SEMA6A: variants seen among roughly 807,000 people sequenced by gnomAD.
The protein encoded by SEMA6A is semaphorin-6A.
In SEMA6A, 25 loss-of-function variants were observed where a neutral mutation model predicts 96.8. That is an observed-to-expected ratio of 0.26 (90% CI 0.19 to 0.36). SEMA6A has a LOEUF of 0.36. Among genes scored for constraint, SEMA6A ranks in the 10% least tolerant of loss-of-function variants. The probability of loss-of-function intolerance (pLI) is 1.00; values close to 1 mark genes in which losing one functional copy is unlikely to be tolerated. For missense variants in SEMA6A, 1,363 were observed against 1,323.1 expected (o/e 1.03, Z -0.47); for synonymous variants, 612 against 518.0 (o/e 1.18, Z -2.46).
chr5:116,495,888 A>C (rs1757575720), intron 5 of SEMA6A: 2 of 322,062 alleles, frequency 6.2e-6, no homozygotes, highest in Non-Finnish European at 1.2e-5. Context: ...CAGGCACAAA[A>C]CCCTGCATGT....
intron 17 of SEMA6A, chr5:116,469,088 G>A (rs902066252): frequency 2.6e-5 from 4 of 152,016 alleles, no homozygotes; most frequent in Non-Finnish European, 4.4e-5. Flanking sequence ...GAAAAAGCAA[G>A]CCAAGTGGCT....
chr5:116,458,629 T>C (rs1030890636), intron 18 of SEMA6A, among the ~76,000 whole-genome samples: 26 of 152,196 alleles, frequency 1.7e-4, no homozygotes, highest in African/African-American at 6.3e-4. Context: ...GGTTAAAAAA[T>C]AAAAGGTTAG....
intron 18 of SEMA6A, among the ~76,000 whole-genome samples, chr5:116,462,033 T>A (rs1755438899): frequency 6.6e-6 from 1 of 152,166 alleles, no homozygotes; most frequent in Non-Finnish European, 1.5e-5. Flanking sequence ...TTTCTTCCTT[T>A]ATTACTGTCA....
chr5:116,498,627 G>A (rs756877439), intron 3 of SEMA6A: 1 of 152,092 alleles, frequency 6.6e-6, no homozygotes, highest in Non-Finnish European at 1.5e-5. Flanking sequence ...GTAGGGGCCT[G>A]TTTTGTAAAT....
intron 9 of SEMA6A, among the ~76,000 whole-genome samples, chr5:116,487,449 A>C (rs899530730): frequency 1.2e-4 from 18 of 152,184 alleles, no homozygotes; most frequent in Non-Finnish European, 2.4e-4. Context: ...TTTGCAATAA[A>C]GACAAAAATC....
At chr5:116,556,217 A>G (rs1760599801) in intron 1 of SEMA6A, among the ~76,000 whole-genome samples, 1 of 152,260 alleles carries the variant, frequency 6.6e-6, no homozygotes, top group Non-Finnish European at 1.5e-5. Context: ...GTAGGCATGT[A>G]CTATATTTCC....
chr5:116,551,686 A>G (rs1355176402), intron 1 of SEMA6A, among the ~76,000 whole-genome samples: 10 of 152,108 alleles, frequency 6.6e-5, no homozygotes. Flanking sequence ...ACATAGTTTC[A>G]TTTGCGGACA....
At chr5:116,532,301 C>T (rs987898043) in intron 1 of SEMA6A, among the ~76,000 whole-genome samples, 8 of 152,098 alleles carry the variant, frequency 5.3e-5, no homozygotes, top group African/African-American at 1.9e-4. Context: ...CAACTGGGGG[C>T]CTTCGGTATA....
At chr5:116,540,190 G>A (rs1335929055) in intron 1 of SEMA6A, among the ~76,000 whole-genome samples, 1 of 152,168 alleles carries the variant, frequency 6.6e-6, no homozygotes. Context: ...AAGGCATGTA[G>A]TTACATATAT....
chr5:116,472,855 T>TAAA, intron 17 of SEMA6A: 5 of 1,339,188 alleles, frequency 3.7e-6, no homozygotes, highest in Non-Finnish European at 4.9e-6. Flanking sequence ...TTCACGAATT[T>TAAA]AAAAAAAAAA....
chr5:116,494,885 A>C (rs185428593), intron 6 of SEMA6A, among the ~76,000 whole-genome samples: 1 of 152,234 alleles, frequency 6.6e-6, no homozygotes, highest in East Asian at 1.9e-4. Flanking sequence ...TAGATTTACT[A>C]ACTCTTTAAG....
rs140954323 is a variant in SEMA6A at position 116,477,687 on chromosome 5, C to T, written c.1649+159G>A. ...CTGCCACATGTGATGTGGTGAGGCT[C>T]TATGAAATGGGAAAGGGTAGGAGAA... is the stretch of plus-strand genomic sequence containing the variant. On this transcript the variant is annotated intron_variant, in intron 15 of 18. Transcript: ENST00000343348. 3.0e-3 allele frequency among the ~76,000 whole-genome samples: 463 copies of T among 152,312 alleles called. 3 individuals carry two copies. Among genetic ancestry groups the T allele is most frequent in the African/African-American group, 0.01 (432 of 41,558 alleles).
chr5:116,460,600 A>G (rs963693578), intron 18 of SEMA6A, among the ~76,000 whole-genome samples: 1 of 152,128 alleles, frequency 6.6e-6, no homozygotes, highest in Non-Finnish European at 1.5e-5. Context: ...TACACTAACA[A>G]TTATTTAGTT....
rs938826174 is a variant in SEMA6A, at chr5:116,458,374, G to A, written c.1894+9209C>T. On this transcript the variant is annotated intron_variant, in intron 18 of 18. Transcript: ENST00000343348. ...AGCTGTCAGAAAACTTTGTCATTGT[G>A]TGTGTTTTTGTAGAAAAGATGGGAG... Among the ~76,000 whole-genome samples the A allele has an allele frequency of 2.6e-5, 4 of 152,126 alleles. No individual in the cohort carries two copies. In the South Asian group the frequency reaches 8.3e-4, roughly 32 times the overall value.
rs1262493479 is a variant in SEMA6A, at chr5:116,444,151, A to G, written c.*2462T>C. The G allele has an allele frequency of 6.6e-6, 1 of 152,064 alleles. No homozygotes were observed. Among genetic ancestry groups the G allele is most frequent in the Non-Finnish European group, 1.5e-5 (1 of 68,018 alleles). The allele number at this position is 152,064 out of a possible 1,614,324, so 9.4% of individuals were successfully genotyped here. A position where few individuals can be genotyped will look rare whatever the true frequency, so the allele number is the denominator to read the frequency against. ...TAGAGAAAATTCAAGGAAGAAAACA[A>G]TATTTCAGGTTCTAGGAAATACTTC... On this transcript the variant is annotated 3_prime_UTR_variant, in exon 19 of 19. Transcript: ENST00000343348.
chr5:116,501,168 A>T (rs901894725), intron 3 of SEMA6A, among the ~76,000 whole-genome samples: 16 of 152,208 alleles, frequency 1.1e-4, no homozygotes, highest in Non-Finnish European at 2.1e-4. Context: ...ATGGAGGATC[A>T]TATATTGTTG....
At position 116,533,354 on chromosome 5, in the gene SEMA6A, G is replaced by A. The variant is rs1029996696; in HGVS notation, c.-38-28372C>T. ...CGACACTGCTGCTCTGTGCACAGAT[G>A]TGGGATTTCTTACACCTTTTTAGTC... On this transcript the variant is annotated intron_variant, in intron 1 of 18. Transcript: ENST00000343348. 4.2e-4 allele frequency among the ~76,000 whole-genome samples: 63 copies of A among 151,290 alleles called. 1 individual carries two copies. The highest frequency in any genetic ancestry group is 1.4e-3 in the African/African-American group (58 of 41,044).
chr5:116,497,185 C>A (rs1757644587), intron 4 of SEMA6A, 142 bp downstream of exon 4: 1 of 573,004 alleles, frequency 1.7e-6, no homozygotes, highest in African/African-American at 1.9e-5. Flanking sequence ...AACCTATTCC[C>A]TAATTAGGAT....
At chr5:116,554,503 ACATTT>A (rs1432164333) in intron 1 of SEMA6A, among the ~76,000 whole-genome samples, 1 of 152,148 alleles carries the variant, frequency 6.6e-6, no homozygotes, top group African/African-American at 2.4e-5. Context: ...TAAAATACAC[ACATTT>A]ATTTGGAGGG....
Sources: allele counts gnomAD v4.1 joint callset (sites outside exome capture counted in the v4.1 genomes callset), GRCh38; gene constraint gnomAD v4.1.1; transcripts MANE v1.5; gene names NCBI Gene and HGNC (gene_info 2026-07-23, HGNC 2026-07-21).